ROBO2: variants seen among roughly 807,000 people sequenced by gnomAD.
ROBO2 encodes the protein roundabout homolog 2.
ROBO2 carries 53 observed loss-of-function variants against 160.8 expected under a neutral mutation model. That is an observed-to-expected ratio of 0.33 (90% confidence interval 0.26 to 0.41). The LOEUF is 0.41. ROBO2 is among the 10% of genes least tolerant of loss of function. The pLI, the probability that ROBO2 is intolerant of heterozygous loss-of-function variation, is 1.00. For synonymous variants in ROBO2, 664 were observed against 611.7 expected (o/e 1.09, Z -1.26); for missense variants, 1,577 against 1,722.4 (o/e 0.92, Z 1.49).
At position 76,272,806 on chromosome 3, in the gene ROBO2, T is replaced by TATATAAA. The variant is rs1433653311; in HGVS notation, c.109+335210_109+335211insAATATAA. ...ATATATAAAATATATATATATAAAA[T>TATATAAA]ATATAATATGTATTTATATATAAAA... On this transcript the variant is annotated intron_variant, in intron 2 of 26. Transcript: ENST00000487694. Among the ~76,000 whole-genome samples the TATATAAA allele has an allele frequency of 3.9e-5, 2 of 50,636 alleles. 1 individual carries two copies. The highest frequency in any genetic ancestry group is 1.2e-4 in the African/African-American group (2 of 16,168). 33.2% of individuals were successfully genotyped at this position (50,636 alleles called of 152,430 possible).
chr3:76,982,208 T>A (rs2060133881), intron 2 of ROBO2, among the ~76,000 whole-genome samples: 1 of 152,214 alleles, frequency 6.6e-6, no homozygotes, highest in African/African-American at 2.4e-5. Context: ...GAGTTTTATA[T>A]TCTTACATTT....
chr3:76,301,577 A>G (rs978765729), intron 2 of ROBO2, among the ~76,000 whole-genome samples: 24 of 152,064 alleles, frequency 1.6e-4, no homozygotes, highest in African/African-American at 5.6e-4. Flanking sequence ...ATTACACCTG[A>G]CACTTCAAGT....
chr3:76,710,697 AACTATTG>A, intron 2 of ROBO2, among the ~76,000 whole-genome samples: 1 of 151,620 alleles, frequency 6.6e-6, no homozygotes, highest in Non-Finnish European at 1.5e-5. Flanking sequence ...GAGAATAATG[AACTATTG>A]AAGGATTACT....
rs1369278958 is a variant in ROBO2, at chr3:76,335,177, TG to T, written c.109+397576del. Among the ~76,000 whole-genome samples the T allele has an allele frequency of 4.8e-3, 604 of 126,102 alleles. 5 individuals are homozygous for T. Among genetic ancestry groups the T allele is most frequent in the African/African-American group, 0.014 (467 of 34,276 alleles). The allele number at this position is 126,102 out of a possible 152,430, so 82.7% of individuals were successfully genotyped here. Reference sequence around the variant, plus strand: ...CCACCACATCCAAACTTTTCTGTTTTGTTTTTTTTTTTTTTTTTTTTTTTGA... The same window carrying T: ...CCACCACATCCAAACTTTTCTGTTTTTTTTTTTTTTTTTTTTTTTTTTTGA... On this transcript the variant is annotated intron_variant, in intron 2 of 26. Transcript: ENST00000487694.
chr3:77,473,849 T>G (rs1268419425), intron 2 of ROBO2, among the ~76,000 whole-genome samples: 1 of 152,276 alleles, frequency 6.6e-6, no homozygotes, highest in East Asian at 1.9e-4. Context: ...TCTGCCTAAA[T>G]AATTTCTAGC....
At chr3:77,300,846 CTATTTATTTATTTATT>C (rs3070173) in intron 2 of ROBO2, among the ~76,000 whole-genome samples, 44,289 of 146,222 alleles carry the variant, frequency 0.3, 8,020 homozygotes, top group Middle Eastern at 0.46. Flanking sequence ...AAATAATAGA[CTATTTATTTATTTATT>C]TATTTATTTA....
At chr3:77,208,420 G>T (rs2083692717) in intron 2 of ROBO2, among the ~76,000 whole-genome samples, 1 of 152,114 alleles carries the variant, frequency 6.6e-6, no homozygotes, top group African/African-American at 2.4e-5. Context: ...AGGACATGGG[G>T]ATTGAGTTGC....
At chr3:77,299,380 T>G (rs1010759313) in intron 2 of ROBO2, among the ~76,000 whole-genome samples, 3 of 152,122 alleles carry the variant, frequency 2.0e-5, no homozygotes, top group Non-Finnish European at 4.4e-5. Flanking sequence ...CACGCTGCTA[T>G]GAAGAAATAC....
intron 2 of ROBO2, among the ~76,000 whole-genome samples, chr3:76,782,165 ATTG>A (rs1245122728): frequency 1.3e-5 from 2 of 150,746 alleles, no homozygotes; most frequent in African/African-American, 4.8e-5. Flanking sequence ...TCAGAAGTAT[ATTG>A]CTTAATTTTC....
rs191238431 is a variant in ROBO2 at position 76,702,088 on chromosome 3, C to A, written c.110-395926C>A. Among the ~76,000 whole-genome samples, 12 of 152,000 alleles carry A rather than the reference C, an allele frequency of 7.9e-5. No individual in the cohort carries two copies. The South Asian group carries it at 8.3e-4, about 11-fold the overall frequency. On this transcript the variant is annotated intron_variant, in intron 2 of 26. Coordinates refer to the ROBO2 transcript ENST00000487694. ...TGAATATTCTTTCCAGAGTATATGACCATGTATTATATTTTCTATATTTAA... is the reference window on the plus strand; with the variant it reads ...TGAATATTCTTTCCAGAGTATATGAACATGTATTATATTTTCTATATTTAA...
intron 2 of ROBO2, among the ~76,000 whole-genome samples, chr3:76,446,938 C>T (rs1168481911): frequency 2.0e-5 from 3 of 152,140 alleles, no homozygotes; most frequent in African/African-American, 7.2e-5. Context: ...CATAAAAACC[C>T]TAGAAGAAAA....
At chr3:76,106,889 A>G (rs1454044222) in intron 2 of ROBO2, among the ~76,000 whole-genome samples, 1 of 152,112 alleles carries the variant, frequency 6.6e-6, no homozygotes, top group Non-Finnish European at 1.5e-5. Context: ...GTTTGCTACC[A>G]CAAGGGGTAC....
chr3:75,923,406 C>T (rs1947150239), intron 1 of ROBO2, among the ~76,000 whole-genome samples: 2 of 152,206 alleles, frequency 1.3e-5, no homozygotes, highest in Non-Finnish European at 2.9e-5. Flanking sequence ...AGACACCCTA[C>T]TATTCCCTCA....
At chr3:77,303,904 T>G (rs1231907045) in intron 2 of ROBO2, among the ~76,000 whole-genome samples, 1 of 152,114 alleles carries the variant, frequency 6.6e-6, no homozygotes, top group Non-Finnish European at 1.5e-5. Context: ...AAAAATCACA[T>G]TTCAACTTCA....
rs558486147 is a variant in ROBO2, at chr3:76,796,284, A to G, written c.110-301730A>G. Reference sequence around the variant, plus strand: ...AAGGCTACCTAATCTAACCTGAAAAATATGTTTTTTAGTGTAGCCACTTTC... The same window carrying G: ...AAGGCTACCTAATCTAACCTGAAAAGTATGTTTTTTAGTGTAGCCACTTTC... On this transcript the variant is annotated intron_variant, in intron 2 of 26. Coordinates refer to the ROBO2 transcript ENST00000487694. 9.5e-4 allele frequency among the ~76,000 whole-genome samples: 144 copies of G among 152,176 alleles called. No homozygotes were observed. The Middle Eastern group carries it at 0.017, about 18-fold the overall frequency.
chr3:77,378,822 A>G (rs540606573), intron 2 of ROBO2, among the ~76,000 whole-genome samples: 8 of 152,250 alleles, frequency 5.3e-5, no homozygotes, highest in African/African-American at 1.4e-4. Flanking sequence ...GCCCGAAAAA[A>G]TCTTTACTTA....
At chr3:75,977,314 A>G (rs2065158971) in intron 2 of ROBO2, among the ~76,000 whole-genome samples, 1 of 151,470 alleles carries the variant, frequency 6.6e-6, no homozygotes, top group Non-Finnish European at 1.5e-5. Flanking sequence ...AGTAAAGTTG[A>G]AAAAAATATT....
At chr3:76,688,743 C>T (rs1282293310) in intron 2 of ROBO2, among the ~76,000 whole-genome samples, 2 of 151,910 alleles carry the variant, frequency 1.3e-5, no homozygotes, top group Non-Finnish European at 2.9e-5. Flanking sequence ...TCCTTGTAAT[C>T]ATCTTTCTCA....
chr3:76,225,275 A>G (rs1704213655), intron 2 of ROBO2, among the ~76,000 whole-genome samples: 1 of 152,238 alleles, frequency 6.6e-6, no homozygotes, highest in Admixed American at 6.5e-5. Flanking sequence ...TTTTAAAGCA[A>G]AGATAAATTT....
Sources: allele counts gnomAD v4.1 joint callset (sites outside exome capture counted in the v4.1 genomes callset), GRCh38; gene constraint gnomAD v4.1.1; transcripts MANE v1.5; gene names NCBI Gene and HGNC (gene_info 2026-07-23, HGNC 2026-07-21).